The following SH3D19 variants were observed in gnomAD, a reference collection of about 807,000 sequenced individuals.
SH3D19 encodes the protein SH3 domain-containing protein 19.
SH3D19 carries 58 observed loss-of-function variants against 112.1 expected under a neutral mutation model. That is an observed-to-expected ratio of 0.52 (90% CI 0.42 to 0.64). SH3D19 has a LOEUF of 0.64. Among genes scored for constraint, SH3D19 ranks in the 30% least tolerant of loss-of-function variants. SH3D19 has a pLI of 0.00. For missense variants in SH3D19, 1,090 were observed against 1,263.4 expected (o/e 0.86, Z 2.08); for synonymous variants, 391 against 448.5 (o/e 0.87, Z 1.62).
intron 2 of SH3D19, among the ~76,000 whole-genome samples, chr4:151,194,917 A>T (rs1763186340): frequency 6.6e-6 from 1 of 150,774 alleles, no homozygotes; most frequent in African/African-American, 2.4e-5. Context: ...GAAACAAAAA[A>T]TACAAAAATT....
At chr4:151,283,820 T>G (rs75211918) in intron 1 of SH3D19, among the ~76,000 whole-genome samples, 12,029 of 152,192 alleles carry the variant, frequency 0.079, 538 homozygotes, top group Middle Eastern at 0.12. Context: ...ATAAGTATAT[T>G]ATGAGGTTGA....
intron 1 of SH3D19, among the ~76,000 whole-genome samples, chr4:151,264,696 A>G (rs1298576124): frequency 6.6e-6 from 1 of 152,198 alleles, no homozygotes; most frequent in Non-Finnish European, 1.5e-5. Flanking sequence ...GAAGGTGTTT[A>G]CTAGAGATAT....
At chr4:151,315,394 A>C (rs1302313819) in intron 1 of SH3D19, among the ~76,000 whole-genome samples, 5 of 152,210 alleles carry the variant, frequency 3.3e-5, no homozygotes, top group African/African-American at 1.2e-4. Context: ...CCAAAATTGG[A>C]AAGGAATTTA....
chr4:151,275,839 A>T (rs867051622), intron 1 of SH3D19, among the ~76,000 whole-genome samples: 4,021 of 52,006 alleles, frequency 0.077, 101 homozygotes, highest in Middle Eastern at 0.18. Context: ...TATTATTATT[A>T]TTATTATTAT....
chr4:151,194,007 G>C (rs143051951), intron 2 of SH3D19, among the ~76,000 whole-genome samples: 1 of 146,114 alleles, frequency 6.8e-6, no homozygotes, highest in African/African-American at 2.6e-5. Context: ...TAGCAGTATA[G>C]TAGGATTAAT....
chr4:151,144,714 T>C (rs1156247168), intron 11 of SH3D19, among the ~76,000 whole-genome samples: 2 of 152,212 alleles, frequency 1.3e-5, no homozygotes, highest in East Asian at 1.9e-4. Flanking sequence ...CCTGTTTCCA[T>C]AGACCTTGAA....
Position 151,325,387 on chromosome 4 carries a change from G to A in SH3D19, c.-35C>T. On this transcript the variant is annotated 5_prime_UTR_variant, in exon 1 of 20. Coordinates refer to ENST00000604030, the MANE Select transcript of SH3D19 (RefSeq NM_001378122.1). ...GCGGGGCGCAGCCGCGGGATGGCCAGCGAGCTGCGGCCCCGGCGCCCCAGA... is the reference window on the plus strand; with the variant it reads ...GCGGGGCGCAGCCGCGGGATGGCCAACGAGCTGCGGCCCCGGCGCCCCAGA... 4.6e-6 allele frequency: 5 copies of A among 1,093,502 alleles called. No homozygotes were observed. The highest frequency in any genetic ancestry group is 5.7e-6 in the Non-Finnish European group (5 of 871,770). The allele number at this position is 1,093,502 out of a possible 1,614,324, so 67.7% of individuals were successfully genotyped here.
chr4:151,289,313 T>C (rs1272021370), intron 1 of SH3D19, among the ~76,000 whole-genome samples: 1 of 152,184 alleles, frequency 6.6e-6, no homozygotes, highest in Non-Finnish European at 1.5e-5. Context: ...CTTTGTGACC[T>C]TGATTAGGCA....
intron 9 of SH3D19, among the ~76,000 whole-genome samples, chr4:151,154,825 T>C (rs1755773298): frequency 6.6e-6 from 1 of 152,136 alleles, no homozygotes; most frequent in South Asian, 2.1e-4. Flanking sequence ...TGGTACAATC[T>C]TGGCTCACTG....
At chr4:151,248,163 T>C (rs1015210887) in intron 1 of SH3D19, among the ~76,000 whole-genome samples, 3 of 152,306 alleles carry the variant, frequency 2.0e-5, no homozygotes, top group African/African-American at 7.2e-5. Flanking sequence ...GGGATCTTGC[T>C]ATGTTGCCCA....
chr4:151,186,512 C>T (rs1761798339), intron 3 of SH3D19, among the ~76,000 whole-genome samples: 2 of 152,184 alleles, frequency 1.3e-5, no homozygotes, highest in African/African-American at 4.8e-5. Context: ...TGGCTCACTG[C>T]AACCTCCACC....
At chr4:151,312,923 A>C (rs1416473047) in intron 1 of SH3D19, among the ~76,000 whole-genome samples, 1 of 150,192 alleles carries the variant, frequency 6.7e-6, no homozygotes, top group African/African-American at 2.4e-5. Context: ...AATAAATAAA[A>C]TAAATAAATA....
At chr4:151,200,914 T>C (rs1271265092) in intron 2 of SH3D19, among the ~76,000 whole-genome samples, 1 of 152,206 alleles carries the variant, frequency 6.6e-6, no homozygotes, top group Non-Finnish European at 1.5e-5. Flanking sequence ...CCAACATTCA[T>C]ATTGGAATTA....
intron 1 of SH3D19, among the ~76,000 whole-genome samples, chr4:151,240,401 A>G (rs184694313): frequency 2.0e-5 from 3 of 151,850 alleles, no homozygotes; most frequent in South Asian, 4.1e-4. Flanking sequence ...ACAAAGCAAG[A>G]ACATGTCTCT....
chr4:151,193,693 T>C (rs1580079985), intron 2 of SH3D19, among the ~76,000 whole-genome samples: 1 of 152,272 alleles, frequency 6.6e-6, no homozygotes, highest in South Asian at 2.1e-4. Flanking sequence ...CAACTTGGTT[T>C]GGGAAGAGGT....
chr4:151,194,016 ATTT>A (rs201719037), intron 2 of SH3D19, among the ~76,000 whole-genome samples: 171 of 111,784 alleles, frequency 1.5e-3, no homozygotes, highest in Non-Finnish European at 2.1e-3. Flanking sequence ...AGTAGGATTA[ATTT>A]TTTTTTTTTT....
intron 11 of SH3D19, 88 bp downstream of exon 11, chr4:151,147,834 C>T: frequency 6.9e-7 from 1 of 1,458,350 alleles, no homozygotes; most frequent in South Asian, 1.4e-5. Flanking sequence ...CACATTTGTT[C>T]CATCATCTTT....
intron 19 of SH3D19, 51 bp from the exon 20 acceptor site, chr4:151,122,258 G>T: frequency 1.1e-6 from 1 of 933,814 alleles, no homozygotes; most frequent in Non-Finnish European, 1.7e-6. Context: ...GAATAAGCAT[G>T]GTAAATAGTG....
chr4:151,159,204 G>A (rs372087658), intron 9 of SH3D19, 36 bp downstream of exon 9: 45 of 1,164,818 alleles, frequency 3.9e-5, no homozygotes, highest in East Asian at 1.1e-4. Flanking sequence ...GCATAGCTAC[G>A]TCTTCAATCT....
Sources: gnomAD v4.1 joint callset for allele counts (sites outside exome capture counted in the v4.1 genomes callset) on GRCh38, gnomAD v4.1.1 for gene constraint, MANE v1.5 for transcripts, NCBI Gene and HGNC (gene_info 2026-07-23, HGNC 2026-07-21) for gene names.